The following BDH1 variants were observed in gnomAD, a reference collection of about 807,000 sequenced individuals.
BDH1 encodes D-beta-hydroxybutyrate dehydrogenase, mitochondrial.
Under a neutral mutation model 33.1 loss-of-function variants are expected in BDH1, and 30 were observed. The observed-to-expected ratio is 0.91, with a 90% confidence interval of 0.68 to 1.23. The LOEUF is 1.23. Among genes scored for constraint, BDH1 ranks in the 50% most tolerant of loss-of-function variants. BDH1 has a pLI of 0.00. For synonymous variants in BDH1, 190 were observed against 183.6 expected, an observed-to-expected ratio of 1.03 and a Z score of -0.28; for missense variants, 443 against 464.4, an observed-to-expected ratio of 0.95 and a Z score of 0.42.
Position 197,514,168 on chromosome 3 carries a change from G to T in BDH1, c.562+96C>A. On this transcript the variant is annotated intron_variant, in intron 7 of 7. Transcript: ENST00000392379. This position sits in a 1 kb window ranked among gnomAD's most constrained non-coding sequence, Gnocchi z 4.2. ...ACGAGCTCACCTCTGCTGAGTTGTGGACATTGGAGCTGCTGGGACAGGTAT... is the reference window on the plus strand; with the variant it reads ...ACGAGCTCACCTCTGCTGAGTTGTGTACATTGGAGCTGCTGGGACAGGTAT... The T allele has an allele frequency of 6.8e-7, 1 of 1,462,470 alleles. No individual in the cohort carries two copies. The highest frequency in any genetic ancestry group is 9.2e-7 in the Non-Finnish European group (1 of 1,087,496). 90.6% of individuals were successfully genotyped at this position (1,462,470 alleles called of 1,614,324 possible). A position where few individuals can be genotyped will look rare whatever the true frequency, so the allele number is the denominator to read the frequency against.
rs1714755647 is a variant in BDH1 at position 197,532,448 on chromosome 3, T to C, written c.231A>G (p.Ser77=). 1 of 1,614,250 alleles carries C rather than the reference T, an allele frequency of 6.2e-7. No homozygotes were observed. ...FGFSLAKHLH[S]KGFLVFAGCL... is the part of the protein sequence containing the mutation. The stretch of plus-strand genomic sequence containing the variant: ...AGCCAGCAAACACAAGGAAGCCTTT[T>C]GAATGCAGATGCTTGGCCAATGAGA... Residue 77 remains serine (S), a synonymous_variant, in exon 5 of 8, where the codon TCA becomes TCG. Transcript: ENST00000392379.
intron 2 of BDH1, among the ~76,000 whole-genome samples, chr3:197,550,647 G>A (rs1356967462): frequency 1.3e-5 from 2 of 152,136 alleles, no homozygotes; most frequent in Non-Finnish European, 2.9e-5. Context: ...GAGGACGGCA[G>A]CTACACTCCA....
Position 197,516,563 on chromosome 3 carries a change from A to T in BDH1, c.410-2147T>A, listed in dbSNP as rs1011835297. Among the ~76,000 whole-genome samples the T allele has an allele frequency of 1.3e-5, 2 of 151,954 alleles. No homozygotes were observed. Among genetic ancestry groups the T allele is most frequent in the Non-Finnish European group, 2.9e-5 (2 of 67,972 alleles). On this transcript the variant is annotated intron_variant, in intron 6 of 7. Transcript: ENST00000392379. The surrounding 1 kb of genome is among the most constrained non-coding windows in gnomAD (Gnocchi z 4.2). Reference sequence around the variant, plus strand: ...GTAACATCCCCAAGATCGCCTCCGCACCAGTGGCCCCTCAGTTCTCCTTGG... The same window carrying T: ...GTAACATCCCCAAGATCGCCTCCGCTCCAGTGGCCCCTCAGTTCTCCTTGG...
At position 197,526,679 on chromosome 3, in the gene BDH1, C is replaced by A. The variant is rs1206928286; in HGVS notation, c.268-3898G>T. On this transcript the variant is annotated intron_variant, in intron 5 of 7. Coordinates refer to ENST00000392379, the MANE Select transcript of BDH1 (RefSeq NM_203314.3). This position sits in a 1 kb window ranked among gnomAD's most constrained non-coding sequence, Gnocchi z 4.7. ...AGGTGACTCCAAGCAGCTCTCTCCA[C>A]TGTCCACACAGGGCCAGGCAACTGT... Among the ~76,000 whole-genome samples the A allele has an allele frequency of 1.3e-5, 2 of 152,224 alleles. No homozygotes were observed. Among genetic ancestry groups the A allele is most frequent in the Non-Finnish European group, 2.9e-5 (2 of 68,042 alleles).
In BDH1 at chr3:197,514,111, T is replaced by G. The variant is rs760029844; in HGVS notation, c.562+153A>C. ...CCGGCCACAGCCCCTCTGCCCACCATCACCCCAGGCCCAGCATAGTCCCTG... is the reference window on the plus strand; with the variant it reads ...CCGGCCACAGCCCCTCTGCCCACCAGCACCCCAGGCCCAGCATAGTCCCTG... On this transcript the variant is annotated intron_variant, in intron 7 of 7. Coordinates refer to ENST00000392379, the MANE Select transcript of BDH1 (RefSeq NM_203314.3). This position sits in a 1 kb window ranked among gnomAD's most constrained non-coding sequence, Gnocchi z 4.2. 9.5e-7 allele frequency: 1 copy of G among 1,054,746 alleles called. No homozygotes were observed. Among genetic ancestry groups the G allele is most frequent in the Non-Finnish European group, 1.3e-6 (1 of 761,302 alleles). 65.3% of individuals were successfully genotyped at this position (1,054,746 alleles called of 1,614,324 possible).
chr3:197,535,486 G>A (rs1260223054), intron 3 of BDH1, among the ~76,000 whole-genome samples: 2 of 152,190 alleles, frequency 1.3e-5, no homozygotes, highest in African/African-American at 2.4e-5. Flanking sequence ...GTTGCTTAGA[G>A]AAATTACTTC....
Position 197,532,513 on chromosome 3 carries a change from T to G in BDH1, c.166A>C (p.Lys56Gln), listed in dbSNP as rs1221072088. Residue 56 changes from lysine (K) to glutamine (Q), a missense_variant, in exon 5 of 8, where the codon AAA becomes CAA. Physicochemically the swap from Lys to Gln is moderately conservative, Grantham distance 53. Transcript: ENST00000392379. The stretch of plus-strand genomic sequence containing the variant: ...TCACAGCCTGTGACCAGGACAGCTT[T>G]GCTGCCAACCTGTTTTACAAGGTCA... ...YASAAEPVGS[K>Q]AVLVTGCDSG... 7.4e-6 allele frequency: 12 copies of G among 1,613,892 alleles called. No homozygotes were observed. The highest frequency in any genetic ancestry group is 2.7e-5 in the African/African-American group (2 of 74,916).
intron 2 of BDH1, among the ~76,000 whole-genome samples, chr3:197,547,857 C>T (rs981258922): frequency 2.0e-5 from 3 of 149,566 alleles, no homozygotes; most frequent in Non-Finnish European, 4.4e-5. Context: ...CTGCTCTGCC[C>T]TCATCCTGGA....
At chr3:197,535,606 C>T (rs1313279401) in intron 3 of BDH1, among the ~76,000 whole-genome samples, 4 of 152,176 alleles carry the variant, frequency 2.6e-5, no homozygotes, top group African/African-American at 4.8e-5. Flanking sequence ...CTAGTGAAAC[C>T]AAGGCTGAGA....
rs1009683628 is a variant in BDH1 at position 197,520,577 on chromosome 3, C to T, written c.409+2063G>A. Among the ~76,000 whole-genome samples, 5 of 152,094 alleles carry T rather than the reference C, an allele frequency of 3.3e-5. No homozygotes were observed. The highest frequency in any genetic ancestry group is 2.1e-4 in the South Asian group (1 of 4,800). On this transcript the variant is annotated intron_variant, in intron 6 of 7. Coordinates refer to ENST00000392379, the MANE Select transcript of BDH1 (RefSeq NM_203314.3). This position sits in a 1 kb window ranked among gnomAD's most constrained non-coding sequence, Gnocchi z 6.0. ...ACGAGGACCGCCAGCCTGAGCAAGC[C>T]GGCCTGGTGCGTTCTCTGCTTGGGT...
intron 6 of BDH1, among the ~76,000 whole-genome samples, chr3:197,515,185 G>A (rs1712565057): frequency 6.6e-6 from 1 of 152,196 alleles, no homozygotes. Flanking sequence ...TTCCTTCCGT[G>A]TTACCCAAAT....
At chr3:197,547,560 G>C (rs1716186547) in intron 2 of BDH1, among the ~76,000 whole-genome samples, 2 of 152,220 alleles carry the variant, frequency 1.3e-5, no homozygotes, top group East Asian at 3.8e-4. Flanking sequence ...AACCTCTCTG[G>C]TGTTACCTTT....
At chr3:197,568,670 G>A (rs1448521373) in intron 1 of BDH1, among the ~76,000 whole-genome samples, 1 of 152,000 alleles carries the variant, frequency 6.6e-6, no homozygotes, top group African/African-American at 2.4e-5. Flanking sequence ...CAAGCATTTT[G>A]TGCATGGGTA....
chr3:197,538,497 T>A (rs1409690459), intron 3 of BDH1: 3 of 407,302 alleles, frequency 7.4e-6, no homozygotes, highest in East Asian at 7.2e-5. Flanking sequence ...GACTACAGGC[T>A]TGCATCACCA....
chr3:197,511,638 A>G lies in BDH1; in HGVS notation c.*257T>C. Reference sequence around the variant, plus strand: ...TTTCTTAAAATCTCTGTATGAAATTATCTCCGGAGAGATAGATTCACCATG... The same window carrying G: ...TTTCTTAAAATCTCTGTATGAAATTGTCTCCGGAGAGATAGATTCACCATG... On this transcript the variant is annotated 3_prime_UTR_variant, in exon 8 of 8. Transcript: ENST00000392379. The G allele has an allele frequency of 2.4e-6, 1 of 420,164 alleles. No homozygotes were observed. 26.0% of individuals were successfully genotyped at this position (420,164 alleles called of 1,614,324 possible).
chr3:197,557,225 C>A (rs146310646), upstream of BDH1, among the ~76,000 whole-genome samples: 100 of 152,356 alleles, frequency 6.6e-4, no homozygotes, highest in African/African-American at 2.4e-3. The surrounding 1 kb of genome is among the most constrained non-coding windows in gnomAD (Gnocchi z 4.6). Flanking sequence ...GTGTCCCAAC[C>A]ACCTTAGGCA....
In BDH1 at chr3:197,566,410, C is replaced by A. The variant is rs183211720; in HGVS notation, c.-44+6771G>T. ...TGTCACTTTCTGACAGGCCCAGGAG[C>A]CCCAAGTTTATCTTGGAACCTCAAG... On this transcript the variant is annotated intron_variant, in intron 1 of 6. Coordinates refer to the BDH1 transcript ENST00000358186. Among the ~76,000 whole-genome samples the A allele has an allele frequency of 4.7e-3, 722 of 152,264 alleles. 6 individuals are homozygous for A. Among genetic ancestry groups the A allele is most frequent in the African/African-American group, 0.017 (697 of 41,534 alleles).
intron 2 of BDH1, among the ~76,000 whole-genome samples, chr3:197,552,117 A>T (rs191345671): frequency 6.6e-6 from 1 of 152,320 alleles, no homozygotes; most frequent in African/African-American, 2.4e-5. Context: ...TCTCAAATGC[A>T]ACCTGTGCAA....
chr3:197,529,292 GTTA>G (rs1714429934), intron 5 of BDH1: 1 of 152,238 alleles, frequency 6.6e-6, no homozygotes, highest in South Asian at 2.1e-4. Flanking sequence ...CCCAGGCTTT[GTTA>G]ATACCGGTTG....
Sources: gnomAD v4.1 joint callset for allele counts (sites outside exome capture counted in the v4.1 genomes callset) on GRCh38, gnomAD v4.1.1 for gene constraint, Gnocchi (gnomAD v3.1) non-coding constraint, MANE v1.5 for transcripts, NCBI Gene and HGNC (gene_info 2026-07-23, HGNC 2026-07-21) for gene names.